Variants in FNBP1 observed in about 807,000 individuals in gnomAD.
FNBP1 encodes the protein formin-binding protein 1.
Under a neutral mutation model 90.6 loss-of-function variants are expected in FNBP1, and 26 were observed. The observed-to-expected ratio is 0.29, with a 90% CI of 0.21 to 0.40. FNBP1 has a LOEUF of 0.40. Ranked by LOEUF, FNBP1 falls within the 10% of genes least tolerant of loss-of-function variation. The pLI is 1.00. For synonymous variants in FNBP1, 260 were observed against 265.2 expected (o/e 0.98, Z 0.19); for missense variants, 635 against 768.0 (o/e 0.83, Z 2.05).
chr9:130,014,561 A>G (rs2057025026), intron 1 of FNBP1, among the ~76,000 whole-genome samples: 2 of 151,822 alleles, frequency 1.3e-5, no homozygotes, highest in South Asian at 2.1e-4. Context: ...CTAATGTTCT[A>G]TTTCTTAGGC....
chr9:129,987,736 G>A (rs2052513828), intron 2 of FNBP1, among the ~76,000 whole-genome samples: 1 of 151,860 alleles, frequency 6.6e-6, no homozygotes, highest in South Asian at 2.1e-4. Flanking sequence ...CCCAACATCA[G>A]GTCATCTGCC....
At chr9:129,906,702 G>A (rs2038120841) in intron 12 of FNBP1, among the ~76,000 whole-genome samples, 1 of 152,122 alleles carries the variant, frequency 6.6e-6, no homozygotes, top group Non-Finnish European at 1.5e-5. Flanking sequence ...CTAATACAGT[G>A]TGTGCCCTGC....
At chr9:130,014,247 CTT>C (rs1175352724) in intron 1 of FNBP1, among the ~76,000 whole-genome samples, 25 of 138,920 alleles carry the variant, frequency 1.8e-4, no homozygotes, top group African/African-American at 3.7e-4. Flanking sequence ...TTCTTTCTTT[CTT>C]TTTTTTTTTT....
At chr9:129,910,502 AAAAG>A (rs1436542062) in intron 11 of FNBP1, among the ~76,000 whole-genome samples, 2 of 149,174 alleles carry the variant, frequency 1.3e-5, no homozygotes, top group Admixed American at 1.4e-4. Flanking sequence ...AAAAAAAAAA[AAAAG>A]AGAGAGAGAA....
intron 1 of FNBP1, among the ~76,000 whole-genome samples, chr9:130,010,099 C>T (rs893136797): frequency 1.3e-5 from 2 of 152,136 alleles, no homozygotes; most frequent in African/African-American, 4.8e-5. Flanking sequence ...CATTATTACC[C>T]CCATATGTTC....
Position 130,020,416 on chromosome 9 carries a change from G to A in FNBP1, c.24+22536C>T, listed in dbSNP as rs192189112. 4.9e-3 allele frequency among the ~76,000 whole-genome samples: 753 copies of A among 152,186 alleles called. 6 individuals are homozygous for A. Among genetic ancestry groups the A allele is most frequent in the Middle Eastern group, 0.017 (5 of 294 alleles). On this transcript the variant is annotated intron_variant, in intron 1 of 16. Transcript: ENST00000446176. The stretch of plus-strand genomic sequence containing the variant: ...GTAGAGACAGGGTTTCACCATGTTG[G>A]TCAGGCTGGTCTCGAACTCCTGGTC...
chr9:130,031,641 T>TTAA lies in FNBP1; in HGVS notation c.24+11310_24+11311insTTA, dbSNP rs2058808559. Among the ~76,000 whole-genome samples the TTAA allele has an allele frequency of 6.6e-6, 1 of 152,060 alleles. No individual in the cohort carries two copies. Among genetic ancestry groups the TTAA allele is most frequent in the Non-Finnish European group, 1.5e-5 (1 of 68,018 alleles). On this transcript the variant is annotated intron_variant, in intron 1 of 16. Coordinates refer to ENST00000446176, the MANE Select transcript of FNBP1 (RefSeq NM_015033.3). This position sits in a 1 kb window ranked among gnomAD's most constrained non-coding sequence, Gnocchi z 4.2. Reference sequence around the variant, plus strand: ...TGGAGTTACCCTACCTTAGTCCTTATTACACAATAATTTCTTTCTTTCTTT... The same window carrying TTAA: ...TGGAGTTACCCTACCTTAGTCCTTATTAATACACAATAATTTCTTTCTTTCTTT...
Position 129,957,366 on chromosome 9 carries a change from A to G in FNBP1, c.507T>C (p.Val169=). 1.2e-6 allele frequency: 2 copies of G among 1,610,312 alleles called. No individual in the cohort carries two copies. Among genetic ancestry groups the G allele is most frequent in the Non-Finnish European group, 1.7e-6 (2 of 1,177,566 alleles). The part of the protein sequence containing the change: ...DADINVTKAD[V]EKARQQAQIR... Reference sequence around the variant, plus strand: ...ACTTGAGCTTTCACCTCACCTTTTCAACATCCGCTTTTGTGACATTGATGT... The same window carrying G: ...ACTTGAGCTTTCACCTCACCTTTTCGACATCCGCTTTTGTGACATTGATGT... The change falls in exon 6 of 17, where the codon GTT becomes GTC. Residue 169 remains valine, a synonymous_variant. Transcript: ENST00000446176. The surrounding 1 kb of genome is among the most constrained non-coding windows in gnomAD (Gnocchi z 4.3).
In FNBP1 at chr9:129,998,202, AAAAAAAAAAG is replaced by A. The variant is rs2054298089; in HGVS notation, c.25-3254_25-3245del. On this transcript the variant is annotated intron_variant, in intron 1 of 16. Transcript: ENST00000446176. ...AAGACAGAGACTCTGTCTCGAAAAA[AAAAAAAAAAG>A]AAAAAAAATGGCCGGGCGCGGTGGC... Among the ~76,000 whole-genome samples, 3 of 134,262 alleles carry A rather than the reference AAAAAAAAAAG, an allele frequency of 2.2e-5. No homozygotes were observed. In the Admixed American group the frequency reaches 2.3e-4, roughly 10 times the overall value. 88.1% of individuals were successfully genotyped at this position (134,262 alleles called of 152,430 possible).
the FNBP1 span, chr9:130,053,532 C>G: frequency 1.4e-4 from 28 of 204,586 alleles, no homozygotes; most frequent in Admixed American, 1.5e-3. Flanking sequence ...AGTCAACGCT[C>G]AGTGAAATCA....
intron 2 of FNBP1, among the ~76,000 whole-genome samples, chr9:129,981,037 C>A (rs796316181): frequency 5.0e-5 from 6 of 120,758 alleles, no homozygotes; most frequent in African/African-American, 9.2e-5. Flanking sequence ...GGCAACAGAG[C>A]GAGACTCCGT....
chr9:130,043,515 A>C (rs924320751), upstream of FNBP1, among the ~76,000 whole-genome samples: 2 of 152,226 alleles, frequency 1.3e-5, no homozygotes, highest in Non-Finnish European at 2.9e-5. Context: ...CCGCGGTCTG[A>C]GATCGCTCCC....
At chr9:129,949,916 C>T (rs1371935353) in intron 6 of FNBP1, among the ~76,000 whole-genome samples, 1 of 152,122 alleles carries the variant, frequency 6.6e-6, no homozygotes, top group Non-Finnish European at 1.5e-5. Flanking sequence ...ACAAAGTTCA[C>T]ATGTACAAAT....
chr9:130,000,213 G>A (rs915563754), intron 1 of FNBP1, among the ~76,000 whole-genome samples: 7 of 152,218 alleles, frequency 4.6e-5, no homozygotes, highest in African/African-American at 1.7e-4. Flanking sequence ...TATCTCAGCC[G>A]GGCATGGTGG....
chr9:129,987,957 G>A (rs550165666), intron 2 of FNBP1, among the ~76,000 whole-genome samples: 8 of 151,916 alleles, frequency 5.3e-5, no homozygotes, highest in Non-Finnish European at 1.0e-4. Context: ...TATATACAAT[G>A]AGCTCCAATT....
chr9:129,984,247 G>A (rs961140983), intron 2 of FNBP1, among the ~76,000 whole-genome samples: 2 of 151,878 alleles, frequency 1.3e-5, no homozygotes, highest in Non-Finnish European at 2.9e-5. Flanking sequence ...ATAAAAGCCA[G>A]GGAAAATTTT....
chr9:129,943,796 T>A (rs2044723263), intron 6 of FNBP1, among the ~76,000 whole-genome samples: 2 of 151,652 alleles, frequency 1.3e-5, no homozygotes, highest in Admixed American at 1.3e-4. Context: ...ATCGAGAACA[T>A]CCTGGCTAAG....
intron 1 of FNBP1, among the ~76,000 whole-genome samples, chr9:130,013,411 T>C (rs560731408): frequency 1.3e-5 from 2 of 152,274 alleles, no homozygotes; most frequent in African/African-American, 4.8e-5. Flanking sequence ...CACAATGAAA[T>C]ACCATTTCAT....
the FNBP1 span, among the ~76,000 whole-genome samples, chr9:130,048,238 C>T: frequency 7.1e-6 from 1 of 139,938 alleles, no homozygotes; most frequent in South Asian, 2.4e-4. Flanking sequence ...ATCGCTTGAA[C>T]CCAGGAGGCA....
Sources: gnomAD v4.1 joint callset for allele counts (sites outside exome capture counted in the v4.1 genomes callset) on GRCh38, gnomAD v4.1.1 for gene constraint, Gnocchi (gnomAD v3.1) non-coding constraint, MANE v1.5 for transcripts, NCBI Gene and HGNC (gene_info 2026-07-23, HGNC 2026-07-21) for gene names.